MAPK4: variants seen among roughly 807,000 people sequenced by gnomAD.
The protein encoded by MAPK4 is Erk3-related.
Under a neutral mutation model 47.7 loss-of-function variants are expected in MAPK4, and 22 were observed. The ratio of observed to expected loss-of-function variants is 0.46; its 90% CI spans 0.33 to 0.66. The LOEUF is 0.66. MAPK4 is among the 30% of genes least tolerant of loss of function. The probability of loss-of-function intolerance (pLI) is 0.02; values close to 1 mark genes in which losing one functional copy is unlikely to be tolerated. For synonymous variants in MAPK4, 390 were observed against 365.7 expected, an observed-to-expected ratio of 1.07 and a Z score of -0.76; for missense variants, 736 against 831.7, an observed-to-expected ratio of 0.88 and a Z score of 1.42.
chr18:50,660,406 A>G (rs2043157416), intron 1 of MAPK4, among the ~76,000 whole-genome samples: 1 of 152,212 alleles, frequency 6.6e-6, no homozygotes, highest in South Asian at 2.1e-4. Context: ...CATGGCAAGT[A>G]TCACAAGGGA....
At position 50,578,232 on chromosome 18, in the gene MAPK4, G is replaced by A. The variant is rs538049757; in HGVS notation, c.-871+17989G>A. Among the ~76,000 whole-genome samples, 140 of 152,320 alleles carry A rather than the reference G, an allele frequency of 9.2e-4. 2 individuals are homozygous for A. In the South Asian group the frequency reaches 0.028, roughly 30 times the overall value. ...TCAGCTATCCTGGAAAAGGGGAAGT[G>A]GCCAGAGAGTTCATTGAAGCTGCTC... On this transcript the variant is annotated intron_variant, in intron 1 of 5. Coordinates refer to ENST00000400384, the MANE Select transcript of MAPK4 (RefSeq NM_002747.4).
chr18:50,578,627 T>C (rs79191311), intron 1 of MAPK4, among the ~76,000 whole-genome samples: 1 of 152,156 alleles, frequency 6.6e-6, no homozygotes, highest in African/African-American at 2.4e-5. Flanking sequence ...AACTATAAGA[T>C]TGATAGATGG....
At chr18:50,574,096 T>TA (rs1194442935) in intron 1 of MAPK4, among the ~76,000 whole-genome samples, 1 of 152,192 alleles carries the variant, frequency 6.6e-6, no homozygotes, top group Admixed American at 6.5e-5. Flanking sequence ...ATTCTTTTTT[T>TA]AAATACTCCA....
intron 2 of MAPK4, among the ~76,000 whole-genome samples, chr18:50,712,928 G>T (rs781611533): frequency 6.6e-6 from 1 of 152,124 alleles, no homozygotes; most frequent in Non-Finnish European, 1.5e-5. Flanking sequence ...ACAGTATTTG[G>T]CTTGTTCCTG....
At chr18:50,650,299 C>T (rs1251825310) in intron 1 of MAPK4, among the ~76,000 whole-genome samples, 1 of 152,132 alleles carries the variant, frequency 6.6e-6, no homozygotes, top group African/African-American at 2.4e-5. Flanking sequence ...TCTCTCTTGA[C>T]ATCCTTCTGC....
intron 3 of MAPK4, among the ~76,000 whole-genome samples, chr18:50,720,642 A>G (rs1194103678): frequency 6.6e-6 from 1 of 152,056 alleles, no homozygotes; most frequent in Non-Finnish European, 1.5e-5. Context: ...CACACAGGAG[A>G]GGGGTCAGGG....
chr18:50,677,636 T>A (rs571613943), intron 2 of MAPK4, among the ~76,000 whole-genome samples: 2 of 152,012 alleles, frequency 1.3e-5, no homozygotes, highest in East Asian at 3.9e-4. Context: ...CACTGCAGAC[T>A]CCATCTCCCA....
Position 50,664,917 on chromosome 18 carries a change from C to T in MAPK4, c.546+413C>T, listed in dbSNP as rs1907512975. The stretch of plus-strand genomic sequence containing the variant: ...CTGAGGCTTCCCACCCTGTGAGCCT[C>T]ATGCTCTGGTTGGTCTCACCTCCCT... On this transcript the variant is annotated intron_variant, in intron 2 of 5. Transcript: ENST00000400384. This position sits in a 1 kb window ranked among gnomAD's most constrained non-coding sequence, Gnocchi z 6.0. Among the ~76,000 whole-genome samples, 1 of 152,216 alleles carries T rather than the reference C, an allele frequency of 6.6e-6. No individual in the cohort carries two copies.
chr18:50,581,063 C>T (rs2042339582), intron 1 of MAPK4, among the ~76,000 whole-genome samples: 1 of 152,202 alleles, frequency 6.6e-6, no homozygotes, highest in South Asian at 2.1e-4. Context: ...GAGGAGTTTG[C>T]ATGTTCATCC....
chr18:50,699,946 C>A (rs1024196426), intron 2 of MAPK4, among the ~76,000 whole-genome samples: 31 of 152,206 alleles, frequency 2.0e-4, no homozygotes, highest in African/African-American at 6.8e-4. Context: ...CTTCTTAGCA[C>A]ATGGGTATGT....
rs34978159 is a variant in MAPK4 at position 50,689,404 on chromosome 18, T to TAAA, written c.546+24922_546+24924dup. 1.3e-3 allele frequency among the ~76,000 whole-genome samples: 114 copies of TAAA among 84,856 alleles called. 1 individual carries two copies. Among genetic ancestry groups the TAAA allele is most frequent in the African/African-American group, 4.2e-3 (99 of 23,356 alleles). The allele number at this position is 84,856 out of a possible 152,430, so 55.7% of individuals were successfully genotyped here. ...CAACAAGAGTTTTGAAACTCCATCT[T>TAAA]AAAAAAAAAAAAAAAAAAAAAAAAG... On this transcript the variant is annotated intron_variant, in intron 2 of 5. Transcript: ENST00000400384.
At chr18:50,640,815 C>T (rs2042934737) in intron 1 of MAPK4, among the ~76,000 whole-genome samples, 1 of 152,068 alleles carries the variant, frequency 6.6e-6, no homozygotes, top group Admixed American at 6.6e-5. Context: ...TAAACACACA[C>T]ACACACACGC....
At chr18:50,560,474 A>G (rs1050475621) in intron 1 of MAPK4, among the ~76,000 whole-genome samples, 3 of 151,494 alleles carry the variant, frequency 2.0e-5, no homozygotes, top group African/African-American at 7.3e-5. Flanking sequence ...CCTCGCCTGC[A>G]GACCGCGCGC....
intron 2 of MAPK4, among the ~76,000 whole-genome samples, chr18:50,685,366 G>C (rs1315778228): frequency 1.3e-5 from 2 of 152,228 alleles, no homozygotes; most frequent in African/African-American, 2.4e-5. Flanking sequence ...TGTCCAATGA[G>C]AGAGAATATG....
chr18:50,624,604 T>C (rs1319373771), intron 1 of MAPK4, among the ~76,000 whole-genome samples: 2 of 152,282 alleles, frequency 1.3e-5, no homozygotes, highest in Non-Finnish European at 2.9e-5. Context: ...GCCAGACTTA[T>C]CCTGGATGTT....
At chr18:50,634,898 G>A (rs183414021) in intron 1 of MAPK4, among the ~76,000 whole-genome samples, 1 of 152,242 alleles carries the variant, frequency 6.6e-6, no homozygotes, top group East Asian at 1.9e-4. Flanking sequence ...CCAGAGCAGT[G>A]GTGCTCAATC....
intron 1 of MAPK4, among the ~76,000 whole-genome samples, chr18:50,617,548 C>A (rs9944763): frequency 0.041 from 6,225 of 152,210 alleles, 388 homozygotes; most frequent in African/African-American, 0.14. Context: ...GTTCCACCCA[C>A]AGGAGAGGGT....
At chr18:50,700,423 C>T (rs1909728146) in intron 2 of MAPK4, among the ~76,000 whole-genome samples, 1 of 152,244 alleles carries the variant, frequency 6.6e-6, no homozygotes, top group African/African-American at 2.4e-5. Context: ...TACTCTACAA[C>T]TGTGAAAGTG....
intron 1 of MAPK4, among the ~76,000 whole-genome samples, chr18:50,599,972 T>C (rs1348936810): frequency 6.6e-6 from 1 of 152,194 alleles, no homozygotes; most frequent in Non-Finnish European, 1.5e-5. Flanking sequence ...AATTATTACA[T>C]ATAATTAGGT....
Sources: allele counts gnomAD v4.1 joint callset (sites outside exome capture counted in the v4.1 genomes callset), GRCh38; gene constraint gnomAD v4.1.1; non-coding constraint Gnocchi (gnomAD v3.1); transcripts MANE v1.5; gene names NCBI Gene and HGNC (gene_info 2026-07-23, HGNC 2026-07-21).